ADAM12: variants seen among roughly 807,000 people sequenced by gnomAD.
The protein encoded by ADAM12 is disintegrin and metalloproteinase domain-containing protein 12.
A neutral mutation model predicts 106.4 loss-of-function variants in ADAM12; 70 were observed. That is an observed-to-expected ratio of 0.66 (90% CI 0.54 to 0.80). ADAM12 has a LOEUF of 0.80. Ranked by LOEUF, ADAM12 falls within the 30% of genes least tolerant of loss-of-function variation. The probability of loss-of-function intolerance (pLI) is 0.00; values close to 1 mark genes in which losing one functional copy is unlikely to be tolerated. For missense variants in ADAM12, 1,010 were observed against 1,171.9 expected, an observed-to-expected ratio of 0.86 and a Z score of 2.02; for synonymous variants, 420 against 433.5, an observed-to-expected ratio of 0.97 and a Z score of 0.39.
At chr10:126,363,804 C>T (rs186697203) in intron 1 of ADAM12, among the ~76,000 whole-genome samples, 4 of 152,272 alleles carry the variant, frequency 2.6e-5, no homozygotes, top group Admixed American at 1.3e-4. Context: ...CTCACAGACA[C>T]ATGAGCGAAA....
At chr10:126,196,561 A>G (rs1350368832) in intron 3 of ADAM12, among the ~76,000 whole-genome samples, 1 of 152,254 alleles carries the variant, frequency 6.6e-6, no homozygotes, top group African/African-American at 2.4e-5. Flanking sequence ...GATTGGCTCA[A>G]TGACCTACTG....
At chr10:126,121,827 C>T (rs1235542134) in intron 5 of ADAM12, among the ~76,000 whole-genome samples, 2 of 152,046 alleles carry the variant, frequency 1.3e-5, no homozygotes, top group Non-Finnish European at 2.9e-5. Flanking sequence ...TATCTCAACG[C>T]TCAAATGATA....
Position 126,072,068 on chromosome 10 carries a change from G to A in ADAM12, c.1146-414C>T, listed in dbSNP as rs115966698. On this transcript the variant is annotated intron_variant, in intron 11 of 22. Transcript: ENST00000448723. Reference sequence around the variant, plus strand: ...ATTGGAAAGTGCAAAGAAGAAAAGAGTACAAATGACGGTGTTTATTAATTC... The same window carrying A: ...ATTGGAAAGTGCAAAGAAGAAAAGAATACAAATGACGGTGTTTATTAATTC... 9.1e-3 allele frequency among the ~76,000 whole-genome samples: 1,384 copies of A among 152,262 alleles called. 25 individuals carry two copies. Among genetic ancestry groups the A allele is most frequent in the African/African-American group, 0.031 (1,307 of 41,538 alleles).
intron 2 of ADAM12, among the ~76,000 whole-genome samples, chr10:126,304,005 A>C (rs1960735304): frequency 6.6e-6 from 1 of 152,172 alleles, no homozygotes; most frequent in Admixed American, 6.5e-5. Context: ...TAATACCTTA[A>C]CACATCCATC....
At chr10:126,355,928 C>T (rs978497860) in intron 1 of ADAM12, among the ~76,000 whole-genome samples, 4 of 152,198 alleles carry the variant, frequency 2.6e-5, no homozygotes, top group African/African-American at 7.2e-5. Flanking sequence ...TTGTGCCTGG[C>T]TTGAATCCCA....
At chr10:126,346,807 G>C (rs1232186944) in intron 1 of ADAM12, among the ~76,000 whole-genome samples, 3 of 152,068 alleles carry the variant, frequency 2.0e-5, no homozygotes, top group East Asian at 1.9e-4. Context: ...GATCTTTCTT[G>C]GTTTAAAGTC....
intron 2 of ADAM12, among the ~76,000 whole-genome samples, chr10:126,302,011 C>T (rs576336714): frequency 1.3e-5 from 2 of 152,146 alleles, no homozygotes; most frequent in East Asian, 1.9e-4. Context: ...AAGTCCAAAT[C>T]GTATACAAAA....
chr10:126,058,818 C>T (rs1328860482), intron 14 of ADAM12, among the ~76,000 whole-genome samples: 1 of 152,194 alleles, frequency 6.6e-6, no homozygotes, highest in Non-Finnish European at 1.5e-5. Context: ...GTGCAAATGA[C>T]TTCTATCCAC....
intron 2 of ADAM12, among the ~76,000 whole-genome samples, chr10:126,285,857 G>A (rs909802149): frequency 1.7e-4 from 26 of 152,176 alleles, no homozygotes; most frequent in Admixed American, 1.4e-3. Flanking sequence ...CCAGGTGCCT[G>A]TGTTCTCTCA....
intron 2 of ADAM12, among the ~76,000 whole-genome samples, chr10:126,286,089 A>G (rs1459065137): frequency 1.3e-5 from 2 of 152,056 alleles, no homozygotes; most frequent in East Asian, 3.9e-4. Flanking sequence ...ATGAACACAA[A>G]ATACCTCGAG....
rs1488598267 is a variant in ADAM12 at position 126,324,538 on chromosome 10, G to A, written c.186+5874C>T. On this transcript the variant is annotated intron_variant, in intron 2 of 22. Coordinates refer to ENST00000448723, the MANE Select transcript of ADAM12 (RefSeq NM_001288973.2). ...GGACTGGAAAGCAGGAAGGGAACAG[G>A]TTCTATCTGTGCTTTAGACAGAGTA... is the stretch of plus-strand genomic sequence containing the variant. 9.2e-5 allele frequency among the ~76,000 whole-genome samples: 14 copies of A among 152,204 alleles called. No individual in the cohort carries two copies. In the South Asian group the frequency reaches 1.9e-3, roughly 20 times the overall value.
chr10:126,207,778 C>A (rs533427606), intron 3 of ADAM12, among the ~76,000 whole-genome samples: 12 of 152,324 alleles, frequency 7.9e-5, no homozygotes, highest in South Asian at 4.1e-4. Context: ...CACCAATATT[C>A]TTCCAGATTC....
At chr10:126,386,200 G>A (rs762020964) in intron 1 of ADAM12, among the ~76,000 whole-genome samples, 3 of 152,138 alleles carry the variant, frequency 2.0e-5, no homozygotes, top group South Asian at 2.1e-4. Context: ...TGCAACTAGA[G>A]AGTCTGGGAT....
chr10:126,284,955 T>C (rs976238847), intron 2 of ADAM12, among the ~76,000 whole-genome samples: 1 of 152,210 alleles, frequency 6.6e-6, no homozygotes, highest in African/African-American at 2.4e-5. Context: ...CAGGGCTCAA[T>C]GGCAGGTTGG....
At chr10:126,078,652 T>TA (rs1234543628) in intron 11 of ADAM12, among the ~76,000 whole-genome samples, 3 of 152,186 alleles carry the variant, frequency 2.0e-5, no homozygotes, top group Admixed American at 6.5e-5. Context: ...GAGTACCTGC[T>TA]TTTAGCTAGG....
chr10:126,093,682 A>G (rs1333644583), intron 11 of ADAM12, among the ~76,000 whole-genome samples: 2 of 152,226 alleles, frequency 1.3e-5, no homozygotes, highest in African/African-American at 4.8e-5. Context: ...GCTCAAATAA[A>G]AAACACTTGC....
At chr10:126,300,633 G>GC (rs1350071225) in intron 2 of ADAM12, among the ~76,000 whole-genome samples, 2 of 152,072 alleles carry the variant, frequency 1.3e-5, no homozygotes, top group African/African-American at 4.8e-5. Flanking sequence ...TAACATAACA[G>GC]CCCAATTTTA....
intron 4 of ADAM12, among the ~76,000 whole-genome samples, chr10:126,143,283 CAT>C (rs1491227934): frequency 4.0e-5 from 4 of 99,440 alleles, no homozygotes; most frequent in East Asian, 2.7e-4. Context: ...TATGGGTATG[CAT>C]GTGTGTGTGT....
intron 21 of ADAM12, among the ~76,000 whole-genome samples, chr10:126,028,864 C>T (rs1953925814): frequency 6.6e-6 from 1 of 152,234 alleles, no homozygotes; most frequent in African/African-American, 2.4e-5. Context: ...GTTTTTCAAT[C>T]TATCCATCTG....
Sources: gnomAD v4.1 joint callset for allele counts (sites outside exome capture counted in the v4.1 genomes callset) on GRCh38, gnomAD v4.1.1 for gene constraint, MANE v1.5 for transcripts, NCBI Gene and HGNC (gene_info 2026-07-23, HGNC 2026-07-21) for gene names.